OBI1: variants seen among roughly 807,000 people sequenced by gnomAD.
OBI1 encodes the protein ORC ubiquitin ligase 1.
In OBI1, 59 loss-of-function variants were observed where a neutral mutation model predicts 62.4. That is an observed-to-expected ratio of 0.95 (90% CI 0.77 to 1.17). OBI1 has a LOEUF of 1.17. Ranked by LOEUF, OBI1 falls within the 50% of genes most tolerant of loss-of-function variation. The pLI is 0.00. For missense variants in OBI1, 875 were observed against 830.9 expected, an observed-to-expected ratio of 1.05 and a Z score of -0.65; for synonymous variants, 302 against 292.8, an observed-to-expected ratio of 1.03 and a Z score of -0.32.
intron 5 of OBI1, chr13:78,617,323 A>G (rs1566274711): frequency 6.6e-6 from 3 of 457,784 alleles, no homozygotes; most frequent in Non-Finnish European, 3.8e-6. Context: ...TGATAATAAT[A>G]GCAAAACCTA....
rs114401720 is a variant in OBI1, at chr13:78,619,842, T to C, written c.639-2720A>G. On this transcript the variant is annotated intron_variant, in intron 5 of 5. Transcript: ENST00000282003. ...GTCATTCTCTTACTTTAAGATACAC[T>C]AGTGCCTTACATTGAGACAGGGTTG... Among the ~76,000 whole-genome samples the C allele has an allele frequency of 1.8e-3, 277 of 152,330 alleles. 1 individual carries two copies. The highest frequency in any genetic ancestry group is 6.3e-3 in the African/African-American group (264 of 41,586).
intron 2 of OBI1, among the ~76,000 whole-genome samples, chr13:78,644,357 T>C (rs185631927): frequency 7.4e-4 from 112 of 152,378 alleles, no homozygotes; most frequent in African/African-American, 2.7e-3. Flanking sequence ...CTTATCTCAG[T>C]AGTCGGACCC....
chr13:78,620,129 A>C (rs1875460717), intron 5 of OBI1, among the ~76,000 whole-genome samples: 1 of 152,206 alleles, frequency 6.6e-6, no homozygotes, highest in Non-Finnish European at 1.5e-5. Flanking sequence ...GACATGTGTC[A>C]GGAAATTTTC....
Position 78,615,840 on chromosome 13 carries a change from G to T in OBI1, c.1921C>A (p.Pro641Thr). ...TCTGTCTGAAACAAGCAGCTTGGGGGTTTGATTTCATTAGTTACTGGACAA... is the reference window on the plus strand; with the variant it reads ...TCTGTCTGAAACAAGCAGCTTGGGGTTTTGATTTCATTAGTTACTGGACAA... ...SSCPVTNEIK[P>T]PSCLFQTEFS... Residue 641 changes from proline to threonine, a missense_variant, in exon 6 of 6, where the codon CCC becomes ACC. Physicochemically the swap from Pro to Thr is conservative, Grantham distance 38. Transcript: ENST00000282003. 1 of 1,614,056 alleles carries T rather than the reference G, an allele frequency of 6.2e-7. No individual in the cohort carries two copies. Among genetic ancestry groups the T allele is most frequent in the Non-Finnish European group, 8.5e-7 (1 of 1,179,990 alleles).
At chr13:78,652,802 T>A (rs569346828) in intron 1 of OBI1, among the ~76,000 whole-genome samples, 10 of 152,198 alleles carry the variant, frequency 6.6e-5, no homozygotes, top group African/African-American at 2.4e-4. Flanking sequence ...GGTAATACTA[T>A]CTCACTCCCT....
intron 1 of OBI1, among the ~76,000 whole-genome samples, chr13:78,649,695 T>C (rs999407119): frequency 6.6e-6 from 1 of 152,170 alleles, no homozygotes; most frequent in African/African-American, 2.4e-5. Flanking sequence ...ATTACAGCGA[T>C]AGGCAACAAA....
intron 1 of OBI1, among the ~76,000 whole-genome samples, chr13:78,650,960 C>A (rs1267496873): frequency 2.6e-5 from 4 of 152,140 alleles, no homozygotes; most frequent in Non-Finnish European, 5.9e-5. Flanking sequence ...CCTCACCATC[C>A]AAACTGTCAC....
At position 78,615,119 on chromosome 13, in the gene OBI1, TC is replaced by T. The variant is rs1875212543; in HGVS notation, c.*460del. The T allele has an allele frequency of 6.6e-6, 1 of 152,000 alleles. No individual in the cohort carries two copies. The highest frequency in any genetic ancestry group is 1.5e-5 in the Non-Finnish European group (1 of 68,086). The allele number at this position is 152,000 out of a possible 1,614,324, so 9.4% of individuals were successfully genotyped here. ...TTTCCACCCTGGGAAAAGCTTAAAC[TC>T]AAGTGTCTTATTGAGCAGTGTATAG... is the stretch of plus-strand genomic sequence containing the variant. On this transcript the variant is annotated 3_prime_UTR_variant, in exon 6 of 6. Coordinates refer to ENST00000282003, the MANE Select transcript of OBI1 (RefSeq NM_024546.4).
intron 5 of OBI1, among the ~76,000 whole-genome samples, chr13:78,624,105 T>C (rs77879371): frequency 0.01 from 1,556 of 152,336 alleles, 28 homozygotes; most frequent in African/African-American, 0.035. Context: ...AGATGTTTTT[T>C]ATATGAAATG....
At chr13:78,648,906 G>A (rs1385402373) in intron 1 of OBI1, among the ~76,000 whole-genome samples, 1 of 132,524 alleles carries the variant, frequency 7.5e-6, no homozygotes, top group East Asian at 2.2e-4. Context: ...AGAGCAAAAT[G>A]CCATCTCAAA....
At chr13:78,632,816 G>C (rs1875894076) in intron 5 of OBI1, among the ~76,000 whole-genome samples, 1 of 152,142 alleles carries the variant, frequency 6.6e-6, no homozygotes, top group Non-Finnish European at 1.5e-5. Flanking sequence ...ATTGCAAATT[G>C]ATCTGGAATA....
In OBI1 at chr13:78,638,441, C is replaced by T. The variant is rs373919567; in HGVS notation, c.549+382G>A. 3.3e-5 allele frequency among the ~76,000 whole-genome samples: 5 copies of T among 152,126 alleles called. No homozygotes were observed. In the East Asian group the frequency reaches 5.8e-4, roughly 18 times the overall value. ...GTCAAAACTTTTCCTTTCATTGGTG[C>T]GAAAATGGTTATGTGTTTGTTTTTA... On this transcript the variant is annotated intron_variant, in intron 4 of 5. Transcript: ENST00000282003.
intron 1 of OBI1, among the ~76,000 whole-genome samples, chr13:78,658,555 G>A (rs1037261978): frequency 8.5e-5 from 13 of 152,160 alleles, no homozygotes; most frequent in African/African-American, 3.1e-4. Context: ...CCAGGATAAA[G>A]GCAAAAGGTC....
intron 1 of OBI1, among the ~76,000 whole-genome samples, chr13:78,654,153 G>A (rs1169278492): frequency 6.6e-6 from 1 of 151,894 alleles, no homozygotes; most frequent in Non-Finnish European, 1.5e-5. Flanking sequence ...ATCCCTACCA[G>A]AAATGCTTTG....
chr13:78,631,250 A>C (rs1011220174), intron 5 of OBI1, among the ~76,000 whole-genome samples: 1 of 152,202 alleles, frequency 6.6e-6, no homozygotes, highest in Admixed American at 6.5e-5. Flanking sequence ...TAGTGACTAC[A>C]TATTATAGCC....
At chr13:78,624,114 T>G (rs2296499) in intron 5 of OBI1, among the ~76,000 whole-genome samples, 55,004 of 152,064 alleles carry the variant, frequency 0.36, 10,275 homozygotes, top group East Asian at 0.37. Flanking sequence ...TTATATGAAA[T>G]GAGAAAAACT....
At chr13:78,652,413 T>C (rs561584796) in intron 1 of OBI1, among the ~76,000 whole-genome samples, 2 of 147,410 alleles carry the variant, frequency 1.4e-5, no homozygotes, top group South Asian at 4.2e-4. Flanking sequence ...AAAAAAAAGG[T>C]CATCATTTGT....
intron 1 of OBI1, among the ~76,000 whole-genome samples, chr13:78,656,866 C>T (rs1446657941): frequency 7.2e-6 from 1 of 139,002 alleles, no homozygotes; most frequent in Non-Finnish European, 1.5e-5. Flanking sequence ...GGCGCGATCT[C>T]AGCTCACTAC....
In OBI1 at chr13:78,616,056, T is replaced by C. The variant is rs1185190925; in HGVS notation, c.1705A>G (p.Lys569Glu). 3 of 1,614,166 alleles carry C rather than the reference T, an allele frequency of 1.9e-6. No homozygotes were observed. Among genetic ancestry groups the C allele is most frequent in the Non-Finnish European group, 2.5e-6 (3 of 1,180,026 alleles). The change falls in exon 6 of 6, where the codon AAG (lysine) becomes GAG (glutamate). Residue 569 changes from lysine to glutamate, a missense_variant. Coordinates refer to ENST00000282003, the MANE Select transcript of OBI1 (RefSeq NM_024546.4). The part of the protein sequence containing the change: ...FKSLDLDGLS[K>E]SSQGSEFLEE... ...AGAAATTCACTGCCTTGAGATGACT[T>C]TGATAACCCATCCAAATCCAGTGAC...
Sources: gnomAD v4.1 joint callset for allele counts (sites outside exome capture counted in the v4.1 genomes callset) on GRCh38, gnomAD v4.1.1 for gene constraint, MANE v1.5 for transcripts, NCBI Gene and HGNC (gene_info 2026-07-23, HGNC 2026-07-21) for gene names.